The following TNRC18 variants were observed in gnomAD, a reference collection of about 807,000 sequenced individuals.
TNRC18 encodes trinucleotide repeat-containing gene 18 protein.
Under a neutral mutation model 226.7 loss-of-function variants are expected in TNRC18, and 69 were observed. That is an observed-to-expected ratio of 0.30 (90% CI 0.25 to 0.37). The LOEUF is 0.37. TNRC18 is among the 10% of genes least tolerant of loss of function. The pLI is 1.00. For synonymous variants in TNRC18, 2,449 were observed against 1,927.6 expected (o/e 1.27, Z -7.09); for missense variants, 4,754 against 4,256.6 (o/e 1.12, Z -3.25).
chr7:5,420,786 T>C (rs951080323), intron 2 of TNRC18: 4 of 656,294 alleles, frequency 6.1e-6, no homozygotes, highest in East Asian at 3.0e-5. Context: ...GCCCCGGGGA[T>C]TGGAATCGCC....
chr7:5,374,459 TGCTCCTGCGCCTTCAACC>T lies in TNRC18; in HGVS notation c.2807_2824del (p.Arg936_Glu941del). On this transcript the variant is annotated inframe_deletion, in exon 10 of 30. Coordinates refer to ENST00000430969, the MANE Select transcript of TNRC18 (RefSeq NM_001080495.3). Reference sequence around the variant, plus strand: ...CCCCTTCTCTTCCATCTCCGCCCGGTGCTCCTGCGCCTTCAACCGCTCCTGCTGGGAAGGGGCCGGCAG... The same window carrying T: ...CCCCTTCTCTTCCATCTCCGCCCGGTGCTCCTGCTGGGAAGGGGCCGGCAG... 5 of 1,546,730 alleles carry T rather than the reference TGCTCCTGCGCCTTCAACC, an allele frequency of 3.2e-6. No individual in the cohort carries two copies. Among genetic ancestry groups the T allele is most frequent in the Middle Eastern group, 1.8e-4 (1 of 5,496 alleles).
intron 16 of TNRC18, among the ~76,000 whole-genome samples, chr7:5,353,018 C>A (rs748167820): frequency 6.6e-6 from 1 of 152,104 alleles, no homozygotes; most frequent in South Asian, 2.1e-4. Flanking sequence ...ATTCCTCTGA[C>A]TGCTCCCACC....
At chr7:5,333,979 C>T (rs1209291926) in intron 18 of TNRC18, among the ~76,000 whole-genome samples, 1 of 152,212 alleles carries the variant, frequency 6.6e-6, no homozygotes. Context: ...GAGCTGGTGT[C>T]CAGGAAAAGA....
At chr7:5,416,819 C>T (rs1016483133) in intron 2 of TNRC18, among the ~76,000 whole-genome samples, 3 of 150,746 alleles carry the variant, frequency 2.0e-5, no homozygotes, top group Non-Finnish European at 4.4e-5. Context: ...AGCAAGACCC[C>T]GTCTCTATAG....
intron 19 of TNRC18, 58 bp downstream of exon 19, chr7:5,332,564 C>T (rs1789641997): frequency 1.4e-6 from 2 of 1,468,508 alleles, no homozygotes; most frequent in Admixed American, 2.9e-5. Flanking sequence ...GAGAGGGCCC[C>T]TCCCTCACGG....
chr7:5,308,436 C>T (rs1675187252), intron 29 of TNRC18, 124 bp from the exon 30 acceptor site: 1 of 851,498 alleles, frequency 1.2e-6, no homozygotes, highest in African/African-American at 1.7e-5. Flanking sequence ...GAGACCAAGT[C>T]AGAGACAGAG....
At chr7:5,310,545 T>G (rs1787069778) in intron 27 of TNRC18, among the ~76,000 whole-genome samples, 1 of 152,040 alleles carries the variant, frequency 6.6e-6, no homozygotes, top group Non-Finnish European at 1.5e-5. Context: ...AAAACTATTA[T>G]TTTTTTCAAG....
In TNRC18 at chr7:5,324,107, GCCCCC is replaced by G; in HGVS notation, c.6442+102_6442+106del. Reference sequence around the variant, plus strand: ...AGGATCTCTGCTCCTGTGGTTCCCTGCCCCCAGCTAGCCCAGCCCTTCAGTCTCAA... The same window carrying G: ...AGGATCTCTGCTCCTGTGGTTCCCTGAGCTAGCCCAGCCCTTCAGTCTCAA... On this transcript the variant is annotated intron_variant, in intron 21 of 29. Coordinates refer to ENST00000430969, the MANE Select transcript of TNRC18 (RefSeq NM_001080495.3). This position sits in a 1 kb window ranked among gnomAD's most constrained non-coding sequence, Gnocchi z 4.8. 2.3e-6 allele frequency: 3 copies of G among 1,280,580 alleles called. No homozygotes were observed. In the South Asian group the frequency reaches 4.3e-5, roughly 18 times the overall value. 79.3% of individuals were successfully genotyped at this position (1,280,580 alleles called of 1,614,324 possible).
chr7:5,351,665 G>A, intron 17 of TNRC18, 154 bp downstream of exon 17: 1 of 781,832 alleles, frequency 1.3e-6, no homozygotes, highest in Non-Finnish European at 2.0e-6. Flanking sequence ...AGGCTACGCT[G>A]CCAAGAACCC....
At position 5,387,887 on chromosome 7, in the gene TNRC18, C is replaced by A. The variant is rs1405267170; in HGVS notation, c.1937G>T (p.Gly646Val). The A allele has an allele frequency of 6.3e-7, 1 of 1,591,010 alleles. No individual in the cohort carries two copies. Reference protein sequence around the residue: ...RLPHSGGPAAGGGRQLKRDPE... With the variant: ...RLPHSGGPAAVGGRQLKRDPE... ...GTCCCGCTTCAGCTGCCGGCCGCCG[C>A]CCGCTGCAGGGCCTCCGGAGTGTGG... The change falls in exon 5 of 30, where the codon GGC becomes GTC. Residue 646 changes from glycine to valine, a missense_variant. Physicochemically the swap from Gly to Val is moderately radical, Grantham distance 109. Coordinates refer to ENST00000430969, the MANE Select transcript of TNRC18 (RefSeq NM_001080495.3).
Position 5,388,737 on chromosome 7 carries a change from G to A in TNRC18, c.1087C>T (p.Gln363Ter). ...PAGVYTVFRE[Q>*]GREHRVVAPT... ...GCCACCACGCGGTGCTCACGGCCCT[G>A]CTCGCGGAAGACGGTGTAGACGCCG... Residue 363 changes from glutamine (Q) to a stop codon, truncating the protein, a stop_gained, in exon 5 of 30, where the codon CAG becomes TAG. Coordinates refer to ENST00000430969, the MANE Select transcript of TNRC18 (RefSeq NM_001080495.3). LOFTEE classifies it high-confidence loss of function. 1 of 1,256,546 alleles carries A rather than the reference G, an allele frequency of 8.0e-7. No homozygotes were observed. The allele number at this position is 1,256,546 out of a possible 1,614,324, so 77.8% of individuals were successfully genotyped here.
intron 2 of TNRC18, among the ~76,000 whole-genome samples, chr7:5,411,744 G>C (rs1246404098): frequency 6.6e-6 from 1 of 152,058 alleles, no homozygotes; most frequent in East Asian, 1.9e-4. Context: ...GGCAAAGGGA[G>C]TCTGAAGAAC....
At chr7:5,333,758 C>T (rs1789803398) in intron 18 of TNRC18, among the ~76,000 whole-genome samples, 1 of 152,188 alleles carries the variant, frequency 6.6e-6, no homozygotes, top group Non-Finnish European at 1.5e-5. Flanking sequence ...GCACCAGCTC[C>T]CCCGACCTCT....
chr7:5,412,342 G>C (rs755369761), intron 2 of TNRC18, among the ~76,000 whole-genome samples: 1 of 151,902 alleles, frequency 6.6e-6, no homozygotes, highest in East Asian at 1.9e-4. Context: ...TTGGGAGGCC[G>C]AGGTGGGTGG....
At position 5,371,061 on chromosome 7, in the gene TNRC18, G is replaced by A. The variant is rs777051363; in HGVS notation, c.3533C>T (p.Pro1178Leu). ...GPTELPPLES[P>L]LPLPAAEAMA... ...GGCTTCCGCGGCGGGCAGTGGCAGC[G>A]GCGACTCCAGAGGCGGCAGCTCTGT... The change falls in exon 11 of 30, where the codon CCG (proline) becomes CTG (leucine). Residue 1178 changes from proline (P) to leucine (L), a missense_variant. Coordinates refer to ENST00000430969, the MANE Select transcript of TNRC18 (RefSeq NM_001080495.3). 17 of 1,611,060 alleles carry A rather than the reference G, an allele frequency of 1.1e-5. No homozygotes were observed. The highest frequency in any genetic ancestry group is 5.5e-5 in the South Asian group (5 of 91,062).
chr7:5,308,073 C>T lies in TNRC18; in HGVS notation c.*33G>A, dbSNP rs369901831. On this transcript the variant is annotated 3_prime_UTR_variant, in exon 30 of 30. Transcript: ENST00000430969. ...ATGGAGATGGGTCCCTGGCCGCCCT[C>T]GGGGCACAGGTGGCCCGCAGGGCCC... 35 of 1,533,354 alleles carry T rather than the reference C, an allele frequency of 2.3e-5. No homozygotes were observed. The highest frequency in any genetic ancestry group is 2.3e-4 in the Middle Eastern group (1 of 4,318). The allele number at this position is 1,533,354 out of a possible 1,614,324, so 95.0% of individuals were successfully genotyped here. A position where few individuals can be genotyped will look rare whatever the true frequency, so the allele number is the denominator to read the frequency against.
Position 5,421,042 on chromosome 7 carries a change from A to C in TNRC18, c.187+18T>G. 6.5e-7 allele frequency: 1 copy of C among 1,532,648 alleles called. No individual in the cohort carries two copies. The highest frequency in any genetic ancestry group is 1.2e-5 in the South Asian group (1 of 83,494). 94.9% of individuals were successfully genotyped at this position (1,532,648 alleles called of 1,614,324 possible). On this transcript the variant is annotated intron_variant, in intron 2 of 29. Transcript: ENST00000430969. Reference sequence around the variant, plus strand: ...CCTGGGAAGACAGGAGGGGACGGGCACGGCGCGGGGCACTTACCCGGGTGC... The same window carrying C: ...CCTGGGAAGACAGGAGGGGACGGGCCCGGCGCGGGGCACTTACCCGGGTGC...
At position 5,382,798 on chromosome 7, in the gene TNRC18, G is replaced by A. The variant is rs75131663; in HGVS notation, c.2153-4774C>T. Among the ~76,000 whole-genome samples the A allele has an allele frequency of 4.9e-3, 746 of 152,264 alleles. 8 individuals are homozygous for A. The highest frequency in any genetic ancestry group is 0.017 in the African/African-American group (705 of 41,534). On this transcript the variant is annotated intron_variant, in intron 5 of 29. Transcript: ENST00000430969. ...GCAGGCCTGTCTCCCCATCTGAATG[G>A]GGAGAGTAACAGCCCCTCCTCTGCA...
In TNRC18 at chr7:5,307,916, G is replaced by T; in HGVS notation, c.*190C>A. ...GGTTGGAAGGTGGGGCTGGAGGCATGTGCACATGCGTGCACACACGTGCAT... is the reference window on the plus strand; with the variant it reads ...GGTTGGAAGGTGGGGCTGGAGGCATTTGCACATGCGTGCACACACGTGCAT... On this transcript the variant is annotated 3_prime_UTR_variant, in exon 30 of 30. Transcript: ENST00000430969. The T allele has an allele frequency of 3.3e-6, 2 of 605,996 alleles. No homozygotes were observed. Among genetic ancestry groups the T allele is most frequent in the East Asian group, 5.6e-5 (2 of 35,976 alleles). 37.5% of individuals were successfully genotyped at this position (605,996 alleles called of 1,614,324 possible). A position where few individuals can be genotyped will look rare whatever the true frequency, so the allele number is the denominator to read the frequency against.
Sources: gnomAD v4.1 joint callset for allele counts (sites outside exome capture counted in the v4.1 genomes callset) on GRCh38, gnomAD v4.1.1 for gene constraint, Gnocchi (gnomAD v3.1) non-coding constraint, MANE v1.5 for transcripts, NCBI Gene and HGNC (gene_info 2026-07-23, HGNC 2026-07-21) for gene names.